The following LNPK variants were observed in gnomAD, a reference collection of about 807,000 sequenced individuals.
The protein encoded by LNPK is endoplasmic reticulum junction formation protein lunapark.
Under a neutral mutation model 55.2 loss-of-function variants are expected in LNPK, and 29 were observed. That is an observed-to-expected ratio of 0.53 (90% CI 0.39 to 0.72). The LOEUF (loss-of-function observed/expected upper bound fraction) is 0.72, where lower values mean the gene tolerates loss of function less well. Among genes scored for constraint, LNPK ranks in the 30% least tolerant of loss-of-function variants. The pLI is 0.00. For synonymous variants in LNPK, 162 were observed against 168.2 expected, an observed-to-expected ratio of 0.96 and a Z score of 0.29; for missense variants, 467 against 494.8, an observed-to-expected ratio of 0.94 and a Z score of 0.53.
intron 4 of LNPK, among the ~76,000 whole-genome samples, chr2:175,992,016 A>G (rs1687723149): frequency 6.6e-6 from 1 of 152,154 alleles, no homozygotes; most frequent in Non-Finnish European, 1.5e-5. Context: ...ATTATTACTC[A>G]TATTACTAGG....
At chr2:175,939,215 G>A (rs1012500192) in intron 10 of LNPK, among the ~76,000 whole-genome samples, 4 of 152,004 alleles carry the variant, frequency 2.6e-5, no homozygotes, top group African/African-American at 9.7e-5. Context: ...CTATCACCAA[G>A]TCCAGTACTG....
At chr2:175,937,569 A>G in intron 11 of LNPK, 55 bp from the exon 12 acceptor site, 1 of 1,289,806 alleles carries the variant, frequency 7.8e-7, no homozygotes, top group South Asian at 1.3e-5. Context: ...AAGTTCAAGA[A>G]CTAATTAGTT....
At chr2:175,934,511 C>T (rs1455446538) in intron 12 of LNPK, among the ~76,000 whole-genome samples, 1 of 151,958 alleles carries the variant, frequency 6.6e-6, no homozygotes, top group African/African-American at 2.4e-5. Context: ...TAGACAAACA[C>T]AACTGGGCAA....
At chr2:175,999,198 C>T (rs987089601) in intron 1 of LNPK, among the ~76,000 whole-genome samples, 22 of 152,192 alleles carry the variant, frequency 1.4e-4, no homozygotes, top group African/African-American at 5.3e-4. Flanking sequence ...TGTGAAAACA[C>T]AACAAAATTA....
Position 175,929,366 on chromosome 2 carries a change from G to A in LNPK, c.*601C>T. 6.1e-6 allele frequency: 6 copies of A among 985,704 alleles called. No homozygotes were observed. The highest frequency in any genetic ancestry group is 7.2e-6 in the Non-Finnish European group (6 of 829,858). The allele number at this position is 985,704 out of a possible 1,614,324, so 61.1% of individuals were successfully genotyped here. On this transcript the variant is annotated 3_prime_UTR_variant, in exon 13 of 13. Transcript: ENST00000272748. ...TTGACTGTTTCATTGCATTCTCACT[G>A]AGAATTCGTACCAGTGCCAACGTAG...
At chr2:175,961,291 C>T (rs376962621) in intron 8 of LNPK, among the ~76,000 whole-genome samples, 9 of 152,102 alleles carry the variant, frequency 5.9e-5, no homozygotes, top group Admixed American at 4.6e-4. Flanking sequence ...AACATCGATG[C>T]GAAAATCCTG....
intron 2 of LNPK, 129 bp downstream of exon 2, chr2:175,995,429 A>C: frequency 1.7e-6 from 1 of 587,220 alleles, no homozygotes; most frequent in East Asian, 3.0e-5. Flanking sequence ...AATTCAAAAG[A>C]GAAGAAAAAA....
chr2:176,000,524 T>C (rs1168039876), intron 1 of LNPK, among the ~76,000 whole-genome samples: 1 of 152,230 alleles, frequency 6.6e-6, no homozygotes, highest in Non-Finnish European at 1.5e-5. Flanking sequence ...ATTGGAAAAT[T>C]ATATTAGTTT....
chr2:175,979,771 T>A (rs780740264), intron 5 of LNPK, 39 bp downstream of exon 5: 1 of 1,428,548 alleles, frequency 7.0e-7, no homozygotes, highest in Non-Finnish European at 9.4e-7. Flanking sequence ...AAAATAGGTA[T>A]TTTAAAAAAT....
chr2:175,979,388 G>T (rs577299989), intron 5 of LNPK, among the ~76,000 whole-genome samples: 1 of 151,932 alleles, frequency 6.6e-6, no homozygotes, highest in Non-Finnish European at 1.5e-5. Context: ...GTGAAACCCT[G>T]TCTCTATAAA....
chr2:176,002,263 G>A lies in LNPK; in HGVS notation c.-166C>T, dbSNP rs946434127. On this transcript the variant is annotated 5_prime_UTR_variant, in exon 1 of 13. Coordinates refer to ENST00000272748, the MANE Select transcript of LNPK (RefSeq NM_030650.3). ...GCAGGCAGCAGCCGCCACTGACAGA[G>A]AGACAAGCCGGGCCAACTCCTTCCC... is the stretch of plus-strand genomic sequence containing the variant. The A allele has an allele frequency of 4.4e-6, 2 of 449,498 alleles. No individual in the cohort carries two copies. Among genetic ancestry groups the A allele is most frequent in the Admixed American group, 2.4e-5 (1 of 42,194 alleles). 27.8% of individuals were successfully genotyped at this position (449,498 alleles called of 1,614,324 possible).
chr2:175,973,214 A>G (rs1160857273), intron 5 of LNPK, among the ~76,000 whole-genome samples: 1 of 152,226 alleles, frequency 6.6e-6, no homozygotes, highest in African/African-American at 2.4e-5. Flanking sequence ...TCAGTATTCA[A>G]ACACAGTGAC....
chr2:175,937,040 T>C lies in LNPK; in HGVS notation c.1054+304A>G, dbSNP rs548357791. On this transcript the variant is annotated intron_variant, in intron 12 of 12. Transcript: ENST00000272748. ...CAATAATCTGTTTCACTCAGATAAA[T>C]TGAAAAACTTAACCCATGAAAATAT... 1.6e-3 allele frequency among the ~76,000 whole-genome samples: 239 copies of C among 152,276 alleles called. 1 individual carries two copies. The highest frequency in any genetic ancestry group is 5.4e-3 in the African/African-American group (225 of 41,574).
upstream of LNPK, chr2:176,002,374 G>A (rs1688205666): frequency 1.6e-5 from 6 of 364,686 alleles, no homozygotes; most frequent in South Asian, 8.0e-5. Flanking sequence ...ACCCTGGGCG[G>A]GTAGTTGTTG....
chr2:175,995,764 A>T, intron 1 of LNPK, 118 bp from the exon 2 acceptor site: 3 of 245,490 alleles, frequency 1.2e-5, no homozygotes, highest in Non-Finnish European at 1.6e-5. Context: ...TGCCACATAT[A>T]TGGAATTTGA....
intron 5 of LNPK, among the ~76,000 whole-genome samples, chr2:175,971,409 T>G (rs752950404): frequency 6.7e-4 from 102 of 152,306 alleles, no homozygotes; most frequent in Non-Finnish European, 1.2e-3. Flanking sequence ...GGATATCTTT[T>G]ATGAATGTCA....
rs1473804837 is a variant in LNPK, at chr2:175,924,092, C to T, written c.*5875G>A. On this transcript the variant is annotated 3_prime_UTR_variant, in exon 13 of 13. Coordinates refer to ENST00000272748, the MANE Select transcript of LNPK (RefSeq NM_030650.3). ...GCAGATCACCAATTCACAATCATCT[C>T]TACCTTGGTTCATCTTTACACAAGT... 6.6e-6 allele frequency: 1 copy of T among 152,178 alleles called. No individual in the cohort carries two copies. Among genetic ancestry groups the T allele is most frequent in the African/African-American group, 2.4e-5 (1 of 41,452 alleles). The allele number at this position is 152,178 out of a possible 1,614,324, so 9.4% of individuals were successfully genotyped here.
chr2:175,997,705 C>CTGTGTGTGTGCGTG (rs1553510488), intron 1 of LNPK, among the ~76,000 whole-genome samples: 2 of 144,028 alleles, frequency 1.4e-5, no homozygotes, highest in African/African-American at 5.2e-5. Context: ...AACAAATGCT[C>CTGTGTGTGTGCGTG]TGTGTGTGTG....
chr2:175,942,104 G>C (rs532358953), intron 9 of LNPK, among the ~76,000 whole-genome samples: 1 of 102,980 alleles, frequency 9.7e-6, no homozygotes, highest in South Asian at 2.8e-4. Context: ...CAGAAGGAAA[G>C]TGATAGCAGA....
Sources: allele counts gnomAD v4.1 joint callset (sites outside exome capture counted in the v4.1 genomes callset), GRCh38; gene constraint gnomAD v4.1.1; transcripts MANE v1.5; gene names NCBI Gene and HGNC (gene_info 2026-07-23, HGNC 2026-07-21).